HS6ST3: variants seen among roughly 807,000 people sequenced by gnomAD.
The protein encoded by HS6ST3 is heparan-sulfate 6-O-sulfotransferase 3.
HS6ST3 carries 12 observed loss-of-function variants against 36.7 expected under a neutral mutation model. That is an observed-to-expected ratio of 0.33 (90% confidence interval 0.21 to 0.53). The LOEUF (loss-of-function observed/expected upper bound fraction) is 0.53, where lower values mean the gene tolerates loss of function less well. Ranked by LOEUF, HS6ST3 falls within the 20% of genes least tolerant of loss-of-function variation. The pLI, the probability that HS6ST3 is intolerant of heterozygous loss-of-function variation, is 0.95. For missense variants in HS6ST3, 584 were observed against 640.9 expected (o/e 0.91, Z 0.96); for synonymous variants, 240 against 257.5 (o/e 0.93, Z 0.65).
At chr13:96,319,781 G>A (rs368451706) in intron 1 of HS6ST3, among the ~76,000 whole-genome samples, 2 of 152,178 alleles carry the variant, frequency 1.3e-5, no homozygotes, top group East Asian at 1.9e-4. Context: ...TTAGGATTTC[G>A]TTTTAAAGCA....
At chr13:96,590,235 T>A (rs909449818) in intron 1 of HS6ST3, among the ~76,000 whole-genome samples, 1 of 152,152 alleles carries the variant, frequency 6.6e-6, no homozygotes, top group East Asian at 1.9e-4. Context: ...ATAGTAGCTC[T>A]ATTTTTAGTT....
chr13:96,143,113 T>C (rs2054039935), intron 1 of HS6ST3, among the ~76,000 whole-genome samples: 1 of 152,092 alleles, frequency 6.6e-6, no homozygotes, highest in Non-Finnish European at 1.5e-5. Flanking sequence ...CAAGTGTTTT[T>C]CACTTCATTT....
At chr13:96,696,639 G>C (rs1380802002) in intron 1 of HS6ST3, among the ~76,000 whole-genome samples, 1 of 152,110 alleles carries the variant, frequency 6.6e-6, no homozygotes. Context: ...GAGGTCTGTT[G>C]GTCTCCTAAC....
chr13:96,761,119 CTT>C (rs879894476), intron 1 of HS6ST3, among the ~76,000 whole-genome samples: 8 of 143,154 alleles, frequency 5.6e-5, no homozygotes, highest in African/African-American at 5.1e-5. Context: ...TTTTTTTTCA[CTT>C]TTTTTTTTTT....
At chr13:96,398,168 GTGCTGAA>G (rs2055431697) in intron 1 of HS6ST3, among the ~76,000 whole-genome samples, 1 of 152,208 alleles carries the variant, frequency 6.6e-6, no homozygotes, top group Non-Finnish European at 1.5e-5. Context: ...TGCGTAGGAA[GTGCTGAA>G]CACATGCTGC....
intron 1 of HS6ST3, among the ~76,000 whole-genome samples, chr13:96,192,055 C>A (rs998283884): frequency 6.6e-6 from 1 of 152,054 alleles, no homozygotes; most frequent in Non-Finnish European, 1.5e-5. Context: ...AGTAATTTAC[C>A]CAGTGCATAC....
intron 1 of HS6ST3, among the ~76,000 whole-genome samples, chr13:96,141,131 C>G (rs2139317491): frequency 6.6e-6 from 1 of 152,254 alleles, no homozygotes; most frequent in African/African-American, 2.4e-5. Flanking sequence ...AAAAGACAGG[C>G]TAACTCTACT....
intron 1 of HS6ST3, among the ~76,000 whole-genome samples, chr13:96,315,768 T>C (rs2054965911): frequency 6.6e-6 from 1 of 152,168 alleles, no homozygotes; most frequent in Non-Finnish European, 1.5e-5. Context: ...AGAGAGTTTG[T>C]ATTAATATTT....
chr13:96,237,010 C>T (rs999388836), intron 1 of HS6ST3, among the ~76,000 whole-genome samples: 1 of 152,200 alleles, frequency 6.6e-6, no homozygotes, highest in Non-Finnish European at 1.5e-5. Flanking sequence ...CTTCACAGGG[C>T]AGCAGTAGAG....
chr13:96,468,465 G>GACAT (rs1174695276), intron 1 of HS6ST3, among the ~76,000 whole-genome samples: 4 of 80,372 alleles, frequency 5.0e-5, no homozygotes, highest in African/African-American at 1.6e-4. Flanking sequence ...CATTTAACAG[G>GACAT]ACATACACAC....
rs112742982 is a variant in HS6ST3 at position 96,726,583 on chromosome 13, T to C, written c.708-105907T>C. 6.9e-4 allele frequency among the ~76,000 whole-genome samples: 105 copies of C among 152,350 alleles called. 1 individual carries two copies. Among genetic ancestry groups the C allele is most frequent in the African/African-American group, 2.5e-3 (102 of 41,580 alleles). On this transcript the variant is annotated intron_variant, in intron 1 of 1. Transcript: ENST00000376705. ...ATTATATAACCTTACTAAACTAAGT[T>C]ATTCTTGTAGCTTTTCTTGTATAAT... is the stretch of plus-strand genomic sequence containing the variant.
In HS6ST3 at chr13:96,173,307, A is replaced by G. The variant is rs913625584; in HGVS notation, c.707+81738A>G. On this transcript the variant is annotated intron_variant, in intron 1 of 1. Transcript: ENST00000376705. ...ACTTGTTCATGATAGCACCATTAGC[A>G]AAGATCCTTCCTAGGATTCAAGTTG... is the stretch of plus-strand genomic sequence containing the variant. Among the ~76,000 whole-genome samples, 5 of 152,316 alleles carry G rather than the reference A, an allele frequency of 3.3e-5. No homozygotes were observed. In the South Asian group the frequency reaches 1.0e-3, roughly 32 times the overall value.
chr13:96,517,373 C>G (rs2056076760), intron 1 of HS6ST3, among the ~76,000 whole-genome samples: 1 of 152,152 alleles, frequency 6.6e-6, no homozygotes, highest in Non-Finnish European at 1.5e-5. Context: ...GAGCAAGACC[C>G]TGTCTCAAAC....
At chr13:96,175,368 T>C (rs2054207470) in intron 1 of HS6ST3, among the ~76,000 whole-genome samples, 1 of 150,048 alleles carries the variant, frequency 6.7e-6, no homozygotes, top group African/African-American at 2.4e-5. Context: ...GTTTTTTTTT[T>C]CTTTTGAAGA....
Position 96,686,645 on chromosome 13 carries a change from T to C in HS6ST3, c.708-145845T>C, listed in dbSNP as rs145400341. 8.0e-3 allele frequency among the ~76,000 whole-genome samples: 1,214 copies of C among 152,118 alleles called. 7 individuals carry two copies. The highest frequency in any genetic ancestry group is 0.013 in the Non-Finnish European group (881 of 67,950). ...CGGGCCTATGTGTCCTGCAACTAAA[T>C]ATTAAAACAGAAAGTTTTACTGACA... On this transcript the variant is annotated intron_variant, in intron 1 of 1. Transcript: ENST00000376705.
intron 1 of HS6ST3, among the ~76,000 whole-genome samples, chr13:96,457,343 A>G (rs2055759164): frequency 6.6e-6 from 1 of 150,852 alleles, no homozygotes; most frequent in Admixed American, 6.6e-5. Flanking sequence ...ACCTCAAACA[A>G]TATAAAATTA....
chr13:96,659,253 C>T (rs35600636), intron 1 of HS6ST3, among the ~76,000 whole-genome samples: 60,560 of 151,942 alleles, frequency 0.4, 12,421 homozygotes, highest in Non-Finnish European at 0.45. Context: ...TTTTAATTTG[C>T]GTTTCACTGG....
intron 1 of HS6ST3, among the ~76,000 whole-genome samples, chr13:96,264,565 G>C (rs1238164908): frequency 6.6e-6 from 1 of 152,126 alleles, no homozygotes; most frequent in African/African-American, 2.4e-5. Flanking sequence ...CTTTAAAGTT[G>C]TTCTGTCTAT....
intron 1 of HS6ST3, among the ~76,000 whole-genome samples, chr13:96,791,493 G>A (rs966829429): frequency 6.6e-6 from 1 of 151,810 alleles, no homozygotes; most frequent in Non-Finnish European, 1.5e-5. Context: ...AGGGGGCCAG[G>A]CACCCACAAA....
Sources: allele counts gnomAD v4.1 joint callset (sites outside exome capture counted in the v4.1 genomes callset), GRCh38; gene constraint gnomAD v4.1.1; transcripts MANE v1.5; gene names NCBI Gene and HGNC (gene_info 2026-07-23, HGNC 2026-07-21).